Variants in GRAMD1B observed in about 807,000 individuals in gnomAD.
GRAMD1B encodes the protein GRAM domain containing 1B, also known as protein Aster-B.
In GRAMD1B, 37 loss-of-function variants were observed where a neutral mutation model predicts 99.7. The ratio of observed to expected loss-of-function variants is 0.37; its 90% confidence interval spans 0.29 to 0.49. GRAMD1B has a LOEUF of 0.49. Among genes scored for constraint, GRAMD1B ranks in the 20% least tolerant of loss-of-function variants. The pLI is 0.98. For missense variants in GRAMD1B, 888 were observed against 1,009.2 expected (o/e 0.88, Z 1.63); for synonymous variants, 427 against 387.6 (o/e 1.10, Z -1.19).
intron 2 of GRAMD1B, among the ~76,000 whole-genome samples, chr11:123,498,526 G>A (rs982616717): frequency 6.6e-6 from 1 of 152,162 alleles, no homozygotes; most frequent in Non-Finnish European, 1.5e-5. Flanking sequence ...ACCCAACATT[G>A]TTTCTTGCAA....
intron 3 of GRAMD1B, among the ~76,000 whole-genome samples, chr11:123,584,095 C>T (rs1391334028): frequency 6.6e-6 from 1 of 151,946 alleles, no homozygotes; most frequent in Non-Finnish European, 1.5e-5. Context: ...CCACCCCGCC[C>T]GCGGTGGGCT....
intron 2 of GRAMD1B, among the ~76,000 whole-genome samples, chr11:123,561,392 G>A (rs1016667534): frequency 2.0e-5 from 3 of 152,368 alleles, no homozygotes; most frequent in South Asian, 4.1e-4. Context: ...CCAGCAGAAG[G>A]AGAGGATGAA....
chr11:123,427,347 C>T (rs1948691951), upstream of GRAMD1B, among the ~76,000 whole-genome samples: 1 of 152,186 alleles, frequency 6.6e-6, no homozygotes, highest in African/African-American at 2.4e-5. Flanking sequence ...CTTGGATAAA[C>T]TACTGAATCT....
chr11:123,454,324 G>A (rs1389665650), intron 1 of GRAMD1B: 1 of 152,184 alleles, frequency 6.6e-6, no homozygotes, highest in African/African-American at 2.4e-5. Flanking sequence ...TTTCATATGG[G>A]TGTCATTTGG....
intron 4 of GRAMD1B, among the ~76,000 whole-genome samples, chr11:123,592,480 G>A (rs1377740635): frequency 1.3e-5 from 2 of 152,194 alleles, no homozygotes; most frequent in Non-Finnish European, 2.9e-5. Flanking sequence ...GCTTATGGCT[G>A]TGCTTGGTAG....
At chr11:123,379,968 T>C (rs1016310385) in intron 1 of GRAMD1B, among the ~76,000 whole-genome samples, 3 of 152,252 alleles carry the variant, frequency 2.0e-5, no homozygotes, top group African/African-American at 7.2e-5. Flanking sequence ...AATGTACTTA[T>C]CGACCATTTG....
chr11:123,572,721 G>A (rs576342482), intron 2 of GRAMD1B, among the ~76,000 whole-genome samples: 1 of 152,352 alleles, frequency 6.6e-6, no homozygotes, highest in East Asian at 1.9e-4. Flanking sequence ...AAGAGTGAGT[G>A]TGTATGGCAA....
intron 7 of GRAMD1B, 99 bp from the exon 8 acceptor site, chr11:123,600,369 A>T: frequency 1.4e-6 from 1 of 730,470 alleles, no homozygotes; most frequent in Non-Finnish European, 2.3e-6. Context: ...GTGTTTGAGG[A>T]TGAAGTCAGT....
intron 19 of GRAMD1B, among the ~76,000 whole-genome samples, chr11:123,620,853 G>A (rs1186189855): frequency 6.6e-6 from 1 of 152,232 alleles, no homozygotes; most frequent in African/African-American, 2.4e-5. Flanking sequence ...CAATGGAACA[G>A]GCTACTGTAG....
At chr11:123,527,676 C>G (rs1942935675) in intron 2 of GRAMD1B, among the ~76,000 whole-genome samples, 1 of 152,180 alleles carries the variant, frequency 6.6e-6, no homozygotes, top group South Asian at 2.1e-4. Flanking sequence ...CATGCTCAGT[C>G]TGTAGCTGGG....
At chr11:123,592,442 G>C (rs776681298) in intron 4 of GRAMD1B, among the ~76,000 whole-genome samples, 2 of 152,146 alleles carry the variant, frequency 1.3e-5, no homozygotes, top group African/African-American at 4.8e-5. Context: ...AAATAATCTG[G>C]GGTCTGATGC....
At chr11:123,511,679 A>G (rs1052556514) in intron 2 of GRAMD1B, among the ~76,000 whole-genome samples, 1 of 152,084 alleles carries the variant, frequency 6.6e-6, no homozygotes, top group Non-Finnish European at 1.5e-5. Flanking sequence ...TCTCTCAGAG[A>G]TGGAAGACTG....
At chr11:123,616,427 T>G (rs925275519) in intron 17 of GRAMD1B, among the ~76,000 whole-genome samples, 6 of 152,250 alleles carry the variant, frequency 3.9e-5, no homozygotes, top group African/African-American at 1.4e-4. Context: ...ATTAAATCTC[T>G]TGTATTGGAT....
intron 11 of GRAMD1B, 111 bp downstream of exon 11, chr11:123,606,909 G>A (rs2136877261): frequency 2.6e-6 from 2 of 763,394 alleles, no homozygotes; most frequent in Non-Finnish European, 4.2e-6. Context: ...GGAGAGATGG[G>A]AGCAGAGCTT....
At chr11:123,496,247 GT>G (rs907185739) in intron 2 of GRAMD1B, among the ~76,000 whole-genome samples, 3 of 149,070 alleles carry the variant, frequency 2.0e-5, no homozygotes, top group African/African-American at 4.9e-5. Flanking sequence ...AGGGTAAAAG[GT>G]TTTTTTTTTC....
At chr11:123,428,133 A>G (rs1352672943), upstream of GRAMD1B, among the ~76,000 whole-genome samples, 3 of 152,076 alleles carry the variant, frequency 2.0e-5, no homozygotes, top group African/African-American at 7.2e-5. Context: ...TCTTCCCATA[A>G]GCCCCTGAGA....
chr11:123,377,656 A>G (rs1200422192), intron 1 of GRAMD1B, among the ~76,000 whole-genome samples: 1 of 152,200 alleles, frequency 6.6e-6, no homozygotes, highest in East Asian at 1.9e-4. Context: ...CAAGAGGACA[A>G]ATCTCTGAAC....
At chr11:123,488,929 T>TGG (rs756604270) in intron 2 of GRAMD1B, among the ~76,000 whole-genome samples, 842 of 151,016 alleles carry the variant, frequency 5.6e-3, no homozygotes, top group Non-Finnish European at 9.6e-3. Flanking sequence ...GGAAAATAGT[T>TGG]AGGGGGGGGC....
chr11:123,513,935 C>T lies in GRAMD1B; in HGVS notation c.452+33042C>T, dbSNP rs972243942. 5.3e-5 allele frequency among the ~76,000 whole-genome samples: 8 copies of T among 152,220 alleles called. No homozygotes were observed. In the East Asian group the frequency reaches 1.5e-3, roughly 29 times the overall value. On this transcript the variant is annotated intron_variant, in intron 2 of 19. Transcript: ENST00000635736. ...CCTCCCACAGTGCTGGGATTATAGG[C>T]TTGAGCCACTGTGCTGGCAAGAGTT...
Sources: gnomAD v4.1 joint callset for allele counts (sites outside exome capture counted in the v4.1 genomes callset) on GRCh38, gnomAD v4.1.1 for gene constraint, MANE v1.5 for transcripts, NCBI Gene and HGNC (gene_info 2026-07-23, HGNC 2026-07-21) for gene names.